PHACTR2: variants seen among roughly 807,000 people sequenced by gnomAD.
PHACTR2 encodes chromosome 6 open reading frame 56.
Under a neutral mutation model 76.0 loss-of-function variants are expected in PHACTR2, and 30 were observed. That is an observed-to-expected ratio of 0.39 (90% confidence interval 0.30 to 0.54). The LOEUF (loss-of-function observed/expected upper bound fraction) is 0.54. PHACTR2 is among the 20% of genes least tolerant of loss of function. The probability of loss-of-function intolerance (pLI) is 0.61; values close to 1 mark genes in which losing one functional copy is unlikely to be tolerated. For synonymous variants in PHACTR2, 292 were observed against 292.5 expected, an observed-to-expected ratio of 1.00 and a Z score of 0.02; for missense variants, 696 against 781.1, an observed-to-expected ratio of 0.89 and a Z score of 1.30.
rs1776560353 is a variant in PHACTR2, at chr6:143,641,490, T to TA, written c.13+33168_13+33169insA. Among the ~76,000 whole-genome samples the TA allele has an allele frequency of 6.6e-6, 1 of 152,062 alleles. No homozygotes were observed. The highest frequency in any genetic ancestry group is 1.5e-5 in the Non-Finnish European group (1 of 67,986). On this transcript the variant is annotated intron_variant, in intron 1 of 11. Transcript: ENST00000305766. The surrounding 1 kb of genome is among the most constrained non-coding windows in gnomAD (Gnocchi z 5.8). The stretch of plus-strand genomic sequence containing the variant: ...ATAATACATTTCTGTTGTTGATTTG[T>TA]TTGTTTGTTTGTGTGTTTGTTGTTG...
chr6:143,785,961 C>T (rs569292099), intron 10 of PHACTR2, among the ~76,000 whole-genome samples: 46 of 152,314 alleles, frequency 3.0e-4, no homozygotes, highest in African/African-American at 1.0e-3. Flanking sequence ...ATGAAGGTCT[C>T]TGACATGGCC....
At chr6:143,682,522 C>G (rs1777415804) in intron 1 of PHACTR2, among the ~76,000 whole-genome samples, 1 of 145,260 alleles carries the variant, frequency 6.9e-6, no homozygotes, top group Non-Finnish European at 1.5e-5. Flanking sequence ...GGCCTGAACT[C>G]ATTTTTTAGT....
At position 143,698,125 on chromosome 6, in the gene PHACTR2, A is replaced by G. The variant is rs555798392; in HGVS notation, c.47-13891A>G. On this transcript the variant is annotated intron_variant, in intron 1 of 12. Coordinates refer to ENST00000440869, the MANE Select transcript of PHACTR2 (RefSeq NM_001100164.2). This position sits in a 1 kb window ranked among gnomAD's most constrained non-coding sequence, Gnocchi z 4.3. ...TATTGAAAATCTAAATAAAAATTAT[A>G]TTAGAAAAGGATTTTGGAATAAGCT... is the stretch of plus-strand genomic sequence containing the variant. Among the ~76,000 whole-genome samples the G allele has an allele frequency of 6.6e-6, 1 of 152,318 alleles. No homozygotes were observed. Among genetic ancestry groups the G allele is most frequent in the African/African-American group, 2.4e-5 (1 of 41,562 alleles).
In PHACTR2 at chr6:143,722,996, A is replaced by AT. The variant is rs1426097185; in HGVS notation, c.214+10814dup. Among the ~76,000 whole-genome samples the AT allele has an allele frequency of 1.3e-5, 2 of 152,180 alleles. No individual in the cohort carries two copies. The highest frequency in any genetic ancestry group is 6.5e-5 in the Admixed American group (1 of 15,282). On this transcript the variant is annotated intron_variant, in intron 2 of 12. Coordinates refer to ENST00000440869, the MANE Select transcript of PHACTR2 (RefSeq NM_001100164.2). The surrounding 1 kb of genome is among the most constrained non-coding windows in gnomAD (Gnocchi z 4.1). Reference sequence around the variant, plus strand: ...GGTGGAATAATATTCCATTGTGTATATGTACTACATTTTCTTTACCCATTC... The same window carrying AT: ...GGTGGAATAATATTCCATTGTGTATATTGTACTACATTTTCTTTACCCATTC...
At position 143,772,367 on chromosome 6, in the gene PHACTR2, G is replaced by T; in HGVS notation, c.1342G>T (p.Glu448Ter). 6.2e-7 allele frequency: 1 copy of T among 1,614,022 alleles called. No individual in the cohort carries two copies. The highest frequency in any genetic ancestry group is 8.5e-7 in the Non-Finnish European group (1 of 1,179,946). Residue 448 changes from glutamate (E) to a stop codon, truncating the protein, a stop_gained, in exon 7 of 13, where the codon GAA becomes TAA. Transcript: ENST00000440869. LOFTEE classifies it high-confidence loss of function. This position sits in a 1 kb window ranked among gnomAD's most constrained non-coding sequence, Gnocchi z 5.4. Reference protein sequence around the residue: ...FSASEDEGHREYQANDSDSDG... With the variant: ...FSASEDEGHR ...TGCCTCAGAAGATGAAGGCCACAGG[G>T]AATACCAAGCCAATGACTCTGACTC...
rs536804842 is a variant in PHACTR2 at position 143,760,355 on chromosome 6, G to A, written c.455-46G>A. The A allele has an allele frequency of 2.8e-4, 434 of 1,550,882 alleles. No homozygotes were observed. The highest frequency in any genetic ancestry group is 2.7e-4 in the Non-Finnish European group (310 of 1,142,796). ...ATGTCTTGCTCCTTGTGTTTATATG[G>A]TGTGTGTCTGTATCAGTCTGCTTCT... On this transcript the variant is annotated intron_variant, in intron 4 of 12. Coordinates refer to ENST00000440869, the MANE Select transcript of PHACTR2 (RefSeq NM_001100164.2). This position sits in a 1 kb window ranked among gnomAD's most constrained non-coding sequence, Gnocchi z 6.4.
chr6:143,640,516 G>A (rs201664301), intron 1 of PHACTR2, among the ~76,000 whole-genome samples: 2 of 152,194 alleles, frequency 1.3e-5, no homozygotes, highest in African/African-American at 2.4e-5. Context: ...GCCAGGAGAC[G>A]AGGCTGGAAG....
At position 143,793,583 on chromosome 6, in the gene PHACTR2, G is replaced by T. The variant is rs1392109904; in HGVS notation, c.1845+4673G>T. 1.3e-5 allele frequency among the ~76,000 whole-genome samples: 2 copies of T among 152,070 alleles called. No individual in the cohort carries two copies. The highest frequency in any genetic ancestry group is 2.9e-5 in the Non-Finnish European group (2 of 68,018). The stretch of plus-strand genomic sequence containing the variant: ...TGTGTATGTGTGTGTTTCTCTGGAA[G>T]AAAATTAAGAGGTAGAATTTCTTTT... On this transcript the variant is annotated intron_variant, in intron 11 of 12. Coordinates refer to ENST00000440869, the MANE Select transcript of PHACTR2 (RefSeq NM_001100164.2). The surrounding 1 kb of genome is among the most constrained non-coding windows in gnomAD (Gnocchi z 4.4).
In PHACTR2 at chr6:143,658,076, A is replaced by G. The variant is rs1202656010; in HGVS notation, c.13+49754A>G. ...CGTTTGGCCTGTCCAGTTTGGGGCT[A>G]TTATGAACAAAGCTGCTATGAACAT... On this transcript the variant is annotated intron_variant, in intron 1 of 11. Transcript: ENST00000305766. This position sits in a 1 kb window ranked among gnomAD's most constrained non-coding sequence, Gnocchi z 4.1. 6.6e-6 allele frequency among the ~76,000 whole-genome samples: 1 copy of G among 152,216 alleles called. No individual in the cohort carries two copies. The highest frequency in any genetic ancestry group is 2.4e-5 in the African/African-American group (1 of 41,460).
At chr6:143,704,076 G>GGTGTGTGTGTGTGTGT (rs1162818666) in intron 1 of PHACTR2, among the ~76,000 whole-genome samples, 1 of 72,926 alleles carries the variant, frequency 1.4e-5, no homozygotes, top group Non-Finnish European at 3.0e-5. Context: ...GTCCATCATG[G>GGTGTGTGTGTGTGTGT]GTGTGTGTGT....
intron 4 of PHACTR2, among the ~76,000 whole-genome samples, chr6:143,759,992 C>A (rs930513940): frequency 6.6e-6 from 1 of 152,126 alleles, no homozygotes; most frequent in Non-Finnish European, 1.5e-5. Context: ...GTGACTGTAA[C>A]GTGTTCATCT....
chr6:143,626,231 T>C (rs535946594), intron 1 of PHACTR2, among the ~76,000 whole-genome samples: 8 of 152,120 alleles, frequency 5.3e-5, no homozygotes, highest in East Asian at 3.9e-4. Context: ...GTGGCCCAAA[T>C]TGGTTTAAAA....
In PHACTR2 at chr6:143,562,562, G is replaced by T. The variant is rs755891446; in HGVS notation, c.217+25355G>T. On this transcript the variant is annotated intron_variant, in intron 1 of 11. Transcript: ENST00000367584. The surrounding 1 kb of genome is among the most constrained non-coding windows in gnomAD (Gnocchi z 5.1). The stretch of plus-strand genomic sequence containing the variant: ...GATTACAATTTAACATAAGATTTGG[G>T]TGGGGACAAATATCCAAACTATATC... Among the ~76,000 whole-genome samples the T allele has an allele frequency of 2.0e-5, 3 of 152,236 alleles. No homozygotes were observed. Among genetic ancestry groups the T allele is most frequent in the East Asian group, 1.9e-4 (1 of 5,180 alleles).
rs1446665595 is a variant in PHACTR2, at chr6:143,627,648, C to T, written c.13+19326C>T. Among the ~76,000 whole-genome samples, 1 of 149,678 alleles carries T rather than the reference C, an allele frequency of 6.7e-6. No homozygotes were observed. The highest frequency in any genetic ancestry group is 1.5e-5 in the Non-Finnish European group (1 of 67,632). On this transcript the variant is annotated intron_variant, in intron 1 of 11. Transcript: ENST00000305766. This position sits in a 1 kb window ranked among gnomAD's most constrained non-coding sequence, Gnocchi z 4.3. ...AAGAAGTCTCGCTCTGTCACCCAGG[C>T]TGGAATGCAGTGGCACGATCTCGGC...
At position 143,654,867 on chromosome 6, in the gene PHACTR2, CA is replaced by C. The variant is rs1776821988; in HGVS notation, c.13+46546del. ...CCACAACATGGACGACTCTTAAAAA[CA>C]TCATGCTAGCCGGGCACTGTGGCTC... On this transcript the variant is annotated intron_variant, in intron 1 of 11. Transcript: ENST00000305766. This position sits in a 1 kb window ranked among gnomAD's most constrained non-coding sequence, Gnocchi z 4.6. Among the ~76,000 whole-genome samples, 1 of 151,502 alleles carries C rather than the reference CA, an allele frequency of 6.6e-6. No individual in the cohort carries two copies. The highest frequency in any genetic ancestry group is 6.6e-5 in the Admixed American group (1 of 15,210).
rs1426213684 is a variant in PHACTR2, at chr6:143,578,267, C to G, written c.217+41060C>G. Among the ~76,000 whole-genome samples, 1 of 152,182 alleles carries G rather than the reference C, an allele frequency of 6.6e-6. No individual in the cohort carries two copies. Among genetic ancestry groups the G allele is most frequent in the Admixed American group, 6.5e-5 (1 of 15,282 alleles). ...AGTCATAGCCAGATTTAGCAGTTCCCCTTTGTCAGTGCAATGCCTCATCCT... is the reference window on the plus strand; with the variant it reads ...AGTCATAGCCAGATTTAGCAGTTCCGCTTTGTCAGTGCAATGCCTCATCCT... On this transcript the variant is annotated intron_variant, in intron 1 of 11. Coordinates refer to the PHACTR2 transcript ENST00000367584. The surrounding 1 kb of genome is among the most constrained non-coding windows in gnomAD (Gnocchi z 4.5).
At chr6:143,538,321 C>G (rs1358323147) in intron 1 of PHACTR2, among the ~76,000 whole-genome samples, 3 of 152,206 alleles carry the variant, frequency 2.0e-5, no homozygotes, top group African/African-American at 7.2e-5. Context: ...TAGTATGGTA[C>G]CACCACATTG....
intron 1 of PHACTR2, chr6:143,555,213 G>A (rs1775156417): frequency 6.6e-6 from 1 of 152,156 alleles, no homozygotes; most frequent in South Asian, 2.1e-4. Context: ...CGTCGAGCCT[G>A]CCGAGCTTAA....
upstream of PHACTR2, among the ~76,000 whole-genome samples, chr6:143,673,264 C>T (rs1388643378): frequency 5.3e-5 from 8 of 151,846 alleles, no homozygotes; most frequent in Admixed American, 3.9e-4. Context: ...CAGACAGACT[C>T]GATATTCTCT....
Sources: allele counts gnomAD v4.1 joint callset (sites outside exome capture counted in the v4.1 genomes callset), GRCh38; gene constraint gnomAD v4.1.1; non-coding constraint Gnocchi (gnomAD v3.1); transcripts MANE v1.5; gene names NCBI Gene and HGNC (gene_info 2026-07-23, HGNC 2026-07-21).